The following LINGO1 variants were observed in gnomAD, a reference collection of about 807,000 sequenced individuals.
The protein encoded by LINGO1 is leucine-rich repeat and immunoglobulin-like domain-containing nogo receptor-interacting protein 1.
LINGO1 carries 11 observed loss-of-function variants against 37.3 expected under a neutral mutation model. That is an observed-to-expected ratio of 0.29 (90% CI 0.19 to 0.49). The LOEUF (loss-of-function observed/expected upper bound fraction) is 0.49. Among genes scored for constraint, LINGO1 ranks in the 20% least tolerant of loss-of-function variants. The probability of loss-of-function intolerance (pLI) is 0.99; values close to 1 mark genes in which losing one functional copy is unlikely to be tolerated. For missense variants in LINGO1, 585 were observed against 878.2 expected (o/e 0.67, Z 4.22); for synonymous variants, 387 against 403.0 (o/e 0.96, Z 0.48).
intron 1 of LINGO1, among the ~76,000 whole-genome samples, chr15:77,772,306 C>T (rs2076593502): frequency 6.6e-6 from 1 of 152,218 alleles, no homozygotes; most frequent in Non-Finnish European, 1.5e-5. Context: ...TGGGTTCCAA[C>T]CTCACCCACC....
chr15:77,759,443 C>G (rs934594853), intron 1 of LINGO1, among the ~76,000 whole-genome samples: 1 of 152,242 alleles, frequency 6.6e-6, no homozygotes, highest in African/African-American at 2.4e-5. Context: ...AGGCAGCAAG[C>G]TGTGGGCAAG....
chr15:77,792,646 C>A (rs2076827296), intron 2 of LINGO1, among the ~76,000 whole-genome samples: 1 of 152,224 alleles, frequency 6.6e-6, no homozygotes, highest in Admixed American at 6.5e-5. Context: ...CCTTTTCCAA[C>A]CTTATTTTTC....
intron 1 of LINGO1, among the ~76,000 whole-genome samples, chr15:77,800,607 G>C (rs145571296): frequency 1.5e-3 from 232 of 152,318 alleles, no homozygotes; most frequent in African/African-American, 5.5e-3. Context: ...AGATTTTTCA[G>C]CAATAAAATT....
chr15:77,736,973 G>T (rs1028412076), intron 1 of LINGO1, among the ~76,000 whole-genome samples: 1 of 152,170 alleles, frequency 6.6e-6, no homozygotes, highest in South Asian at 2.1e-4. Context: ...CTGCACTGAG[G>T]CATGCCACGT....
At chr15:77,745,125 TAAAA>T (rs74707319) in intron 1 of LINGO1, among the ~76,000 whole-genome samples, 1 of 91,046 alleles carries the variant, frequency 1.1e-5, no homozygotes, top group African/African-American at 4.5e-5. Context: ...GACTCTGTCT[TAAAA>T]AAAAAAAAAA....
intron 1 of LINGO1, among the ~76,000 whole-genome samples, chr15:77,695,102 G>A (rs2075668366): frequency 6.6e-6 from 1 of 152,196 alleles, no homozygotes; most frequent in African/African-American, 2.4e-5. Context: ...GTGAAAGCTG[G>A]GAGAGATTAA....
At chr15:77,659,405 AG>A (rs1473783853) in intron 3 of LINGO1, among the ~76,000 whole-genome samples, 3 of 152,088 alleles carry the variant, frequency 2.0e-5, no homozygotes, top group African/African-American at 7.2e-5. Context: ...CCCCCATCCA[AG>A]GACCCTCAAG....
intron 1 of LINGO1, among the ~76,000 whole-genome samples, chr15:77,740,510 T>C (rs548442845): frequency 3.7e-4 from 56 of 152,200 alleles, no homozygotes; most frequent in Middle Eastern, 3.4e-3. Context: ...TGGCCTGTTA[T>C]GGGATGTTAC....
chr15:77,756,802 C>T (rs1336608493), intron 1 of LINGO1, among the ~76,000 whole-genome samples: 1 of 152,200 alleles, frequency 6.6e-6, no homozygotes, highest in Non-Finnish European at 1.5e-5. Context: ...CCCACTCTGC[C>T]TCCCTAGAGG....
upstream of LINGO1, chr15:77,634,455 G>A (rs2074354353): frequency 2.5e-6 from 1 of 392,170 alleles, no homozygotes; most frequent in Non-Finnish European, 5.1e-6. Context: ...TGAACTGTAC[G>A]TTCACCCTCC....
chr15:77,670,809 AG>A (rs2075234634), intron 3 of LINGO1, among the ~76,000 whole-genome samples: 1 of 152,228 alleles, frequency 6.6e-6, no homozygotes, highest in African/African-American at 2.4e-5. Context: ...ACAAGAAGGC[AG>A]GCAGCTCTGT....
chr15:77,700,903 AC>A (rs2141273729), upstream of LINGO1, among the ~76,000 whole-genome samples: 1 of 152,220 alleles, frequency 6.6e-6, no homozygotes, highest in African/African-American at 2.4e-5. Context: ...AACCTCACCC[AC>A]GGACCAGGCT....
At chr15:77,712,136 C>T (rs1328157695) in intron 2 of LINGO1, among the ~76,000 whole-genome samples, 1 of 152,208 alleles carries the variant, frequency 6.6e-6, no homozygotes, top group Non-Finnish European at 1.5e-5. Flanking sequence ...TTCTAGGTGA[C>T]TTCCCCATGC....
At chr15:77,775,856 A>G (rs1265025846) in intron 1 of LINGO1, among the ~76,000 whole-genome samples, 1 of 152,124 alleles carries the variant, frequency 6.6e-6, no homozygotes, top group African/African-American at 2.4e-5. Flanking sequence ...AACCCCACAC[A>G]GCAGCGGGCA....
intron 1 of LINGO1, among the ~76,000 whole-genome samples, chr15:77,741,910 G>A (rs1315509679): frequency 6.6e-6 from 1 of 152,216 alleles, no homozygotes; most frequent in African/African-American, 2.4e-5. Context: ...AGAGGAGAGG[G>A]GCCAAGAGGA....
intron 2 of LINGO1, among the ~76,000 whole-genome samples, chr15:77,711,359 T>C (rs2075915955): frequency 1.3e-5 from 2 of 152,232 alleles, no homozygotes; most frequent in Non-Finnish European, 2.9e-5. Context: ...TCCCCGACAT[T>C]GAAGACTGGC....
chr15:77,621,185 G>C (rs1032958535), intron 1 of LINGO1, among the ~76,000 whole-genome samples: 1 of 151,980 alleles, frequency 6.6e-6, no homozygotes, highest in Non-Finnish European at 1.5e-5. Context: ...CTCCCAGATA[G>C]CTGCGATTAT....
At chr15:77,680,579 G>T (rs952050876) in intron 2 of LINGO1, among the ~76,000 whole-genome samples, 1 of 152,132 alleles carries the variant, frequency 6.6e-6, no homozygotes, top group Non-Finnish European at 1.5e-5. Context: ...CCTGCAATGG[G>T]CTCCACCTGC....
chr15:77,680,015 A>G (rs2075387966), intron 2 of LINGO1, among the ~76,000 whole-genome samples: 1 of 152,204 alleles, frequency 6.6e-6, no homozygotes, highest in South Asian at 2.1e-4. Context: ...GCCTCTTTAG[A>G]GTTAGTTGGG....
Sources: gnomAD v4.1 joint callset for allele counts (sites outside exome capture counted in the v4.1 genomes callset) on GRCh38, gnomAD v4.1.1 for gene constraint, MANE v1.5 for transcripts, NCBI Gene and HGNC (gene_info 2026-07-23, HGNC 2026-07-21) for gene names.